Variants in POLI observed in about 807,000 individuals in gnomAD.
POLI encodes the protein RAD30 homolog B.
POLI carries 58 observed loss-of-function variants against 51.6 expected under a neutral mutation model. The ratio of observed to expected loss-of-function variants is 1.12; its 90% CI spans 0.91 to 1.40. The LOEUF (loss-of-function observed/expected upper bound fraction) is 1.40, where lower values mean the gene tolerates loss of function less well. POLI is among the 40% of genes most tolerant of loss of function. The probability of loss-of-function intolerance (pLI) is 0.00; values close to 1 mark genes in which losing one functional copy is unlikely to be tolerated. For missense variants in POLI, 921 were observed against 871.3 expected (o/e 1.06, Z -0.72); for synonymous variants, 322 against 299.7 (o/e 1.07, Z -0.77).
chr18:54,301,171 C>T (rs528662939), downstream of POLI, among the ~76,000 whole-genome samples: 4 of 152,136 alleles, frequency 2.6e-5, no homozygotes, highest in Non-Finnish European at 4.4e-5. Context: ...CTTAGCTACT[C>T]GGGAGGCTGA....
At chr18:54,298,586 A>ATTTTTT (rs1320558799), downstream of POLI, among the ~76,000 whole-genome samples, 1 of 120,802 alleles carries the variant, frequency 8.3e-6, no homozygotes, top group African/African-American at 3.2e-5. Flanking sequence ...ATACTACAGA[A>ATTTTTT]TCTTTTTTTT....
chr18:54,294,362 T>A lies in POLI; in HGVS notation c.2118T>A (p.Ser706=), dbSNP rs1409367704. The A allele has an allele frequency of 4.3e-6, 7 of 1,613,512 alleles. No individual in the cohort carries two copies. The African/African-American group carries it at 9.3e-5, about 22-fold the overall frequency. Residue 706 remains serine (S), a synonymous_variant, in exon 10 of 10, where the codon TCT becomes TCA. Coordinates refer to ENST00000579534, the MANE Select transcript of POLI (RefSeq NM_007195.3). ...DSVDEKITFP[S]DIDPQVFYEL... ...TTGATGAGAAAATTACTTTCCCTTC[T>A]GACATTGATCCTCAAGTTTTCTATG...
intron 5 of POLI, 135 bp from the exon 6 acceptor site, chr18:54,282,702 C>A (rs891581495): frequency 1.4e-5 from 8 of 569,272 alleles, no homozygotes; most frequent in African/African-American, 1.3e-4. Flanking sequence ...TAGAATGTAT[C>A]CCCTGTGGAT....
Position 54,297,728 on chromosome 18 carries a change from A to C in POLI, c.*3261A>C. ...TTATCCTTAAACATCTAAAAATGCT[A>C]CCCTCTTTCCAAACAACACAAAGGT... On this transcript the variant is annotated 3_prime_UTR_variant, in exon 10 of 10. Coordinates refer to ENST00000579534, the MANE Select transcript of POLI (RefSeq NM_007195.3). 1 of 970,920 alleles carries C rather than the reference A, an allele frequency of 1.0e-6. No individual in the cohort carries two copies. The highest frequency in any genetic ancestry group is 4.8e-5 in the South Asian group (1 of 21,016). The allele number at this position is 970,920 out of a possible 1,614,324, so 60.1% of individuals were successfully genotyped here. A position where few individuals can be genotyped will look rare whatever the true frequency, so the allele number is the denominator to read the frequency against.
intron 3 of POLI, among the ~76,000 whole-genome samples, chr18:54,315,536 G>A (rs1031351458): frequency 6.6e-6 from 1 of 152,122 alleles, no homozygotes; most frequent in Non-Finnish European, 1.5e-5. Context: ...CTACCTTAAT[G>A]TACTGTCTAA....
At position 54,269,562 on chromosome 18, in the gene POLI, G is replaced by A. The variant is rs767338968; in HGVS notation, c.16G>A (p.Val6Met). 6 of 1,498,074 alleles carry A rather than the reference G, an allele frequency of 4.0e-6. No individual in the cohort carries two copies. Among genetic ancestry groups the A allele is most frequent in the Admixed American group, 2.4e-5 (1 of 41,456 alleles). The allele number at this position is 1,498,074 out of a possible 1,614,324, so 92.8% of individuals were successfully genotyped here. Residue 6 changes from valine (V) to methionine (M), a missense_variant, in exon 1 of 10, where the codon GTG becomes ATG. Val to Met is a conservative substitution (Grantham distance 21). Transcript: ENST00000579534. MEKLG[V>M]EPEEEGGGDD... ...CAGCGGCGGGATGGAGAAGCTGGGG[G>A]TGGAGCCGGAGGAGGAAGGCGGCGG...
chr18:54,315,219 C>T (rs541805959), intron 3 of POLI, among the ~76,000 whole-genome samples: 1 of 152,046 alleles, frequency 6.6e-6, no homozygotes, highest in Non-Finnish European at 1.5e-5. Flanking sequence ...CATTGTTTAC[C>T]TGAAAGCCAT....
intron 2 of POLI, among the ~76,000 whole-genome samples, chr18:54,272,652 T>G (rs1264092080): frequency 6.6e-6 from 1 of 151,066 alleles, no homozygotes; most frequent in Admixed American, 6.7e-5. Context: ...TTTTGTATTT[T>G]TAGTAGAGAC....
chr18:54,314,817 T>G (rs1007637866), intron 3 of POLI, among the ~76,000 whole-genome samples: 3 of 152,160 alleles, frequency 2.0e-5, no homozygotes, highest in Non-Finnish European at 2.9e-5. Flanking sequence ...AATGTCATCT[T>G]TGTTTATTTC....
At chr18:54,305,042 T>C (rs1308990210) in intron 3 of POLI, among the ~76,000 whole-genome samples, 2 of 152,240 alleles carry the variant, frequency 1.3e-5, no homozygotes, top group East Asian at 3.8e-4. Context: ...TTCTTGTTTT[T>C]GTCAGATTTG....
At chr18:54,288,205 C>T (rs1156846728) in intron 8 of POLI, among the ~76,000 whole-genome samples, 1 of 152,108 alleles carries the variant, frequency 6.6e-6, no homozygotes, top group African/African-American at 2.4e-5. Context: ...TATTATCAGT[C>T]TCTTTGATTA....
At position 54,294,008 on chromosome 18, in the gene POLI, A is replaced by T; in HGVS notation, c.1764A>T (p.Leu588Phe). The change falls in exon 10 of 10, where the codon TTA (leucine) becomes TTT (phenylalanine). Residue 588 changes from leucine to phenylalanine, a missense_variant. Physicochemically the swap from Leu to Phe is conservative, Grantham distance 22 (BLOSUM62 0). Coordinates refer to ENST00000579534, the MANE Select transcript of POLI (RefSeq NM_007195.3). The stretch of plus-strand genomic sequence containing the variant: ...TTCCCATAAATCCTAGAGATCATTT[A>T]TCCAGTAGCAAACAGGTATCCTCTG... ...QDIPINPRDH[L>F]SSSKQVSSVS... The T allele has an allele frequency of 6.2e-7, 1 of 1,613,636 alleles. No homozygotes were observed. The highest frequency in any genetic ancestry group is 8.5e-7 in the Non-Finnish European group (1 of 1,179,666).
chr18:54,299,294 G>C (rs1305777464), downstream of POLI, among the ~76,000 whole-genome samples: 1 of 152,182 alleles, frequency 6.6e-6, no homozygotes, highest in African/African-American at 2.4e-5. Flanking sequence ...AGTTGACTGG[G>C]CGTGGTGGTG....
At position 54,269,803 on chromosome 18, in the gene POLI, G is replaced by A. The variant is rs532166782; in HGVS notation, c.115+142G>A. ...CTCTAAGAGAGGGCTGCCTCCCTCT[G>A]CCTTGTGTTACGCGGCGGGTACCTC... On this transcript the variant is annotated intron_variant, in intron 1 of 9. Coordinates refer to ENST00000579534, the MANE Select transcript of POLI (RefSeq NM_007195.3). The A allele has an allele frequency of 2.7e-4, 371 of 1,370,366 alleles. 1 individual carries two copies. In the African/African-American group the frequency reaches 4.6e-3, roughly 17 times the overall value. 84.9% of individuals were successfully genotyped at this position (1,370,366 alleles called of 1,614,324 possible). A position where few individuals can be genotyped will look rare whatever the true frequency, so the allele number is the denominator to read the frequency against.
chr18:54,271,328 A>C lies in POLI; in HGVS notation c.116-32A>C, dbSNP rs3218777. 0.025 allele frequency: 38,840 copies of C among 1,583,868 alleles called. 6,816 individuals are homozygous for C. In the African/African-American group the frequency reaches 0.42, roughly 17 times the overall value. On this transcript the variant is annotated intron_variant, in intron 1 of 9. Coordinates refer to ENST00000579534, the MANE Select transcript of POLI (RefSeq NM_007195.3). ...TTGCTCAGAGATAATAAGCAGCCTG[A>C]ATTTCTTTTTATTTCTTTGCATATT...
At chr18:54,276,557 C>A (rs757113491) in intron 3 of POLI, among the ~76,000 whole-genome samples, 7 of 152,160 alleles carry the variant, frequency 4.6e-5, no homozygotes, top group Non-Finnish European at 8.8e-5. Context: ...TTGTTTTCTA[C>A]ATGTTACTTT....
intron 3 of POLI, among the ~76,000 whole-genome samples, chr18:54,310,380 A>T (rs987393749): frequency 6.6e-6 from 1 of 152,160 alleles, no homozygotes; most frequent in Admixed American, 6.5e-5. Flanking sequence ...ACTTAGATTT[A>T]ATCATTTTTT....
chr18:54,305,498 GGTATTT>G (rs2088567262), intron 3 of POLI, among the ~76,000 whole-genome samples: 1 of 144,784 alleles, frequency 6.9e-6, no homozygotes, highest in Admixed American at 6.9e-5. Context: ...TGGATTCCTA[GGTATTT>G]TATTCTCTTT....
rs200234897 is a variant in POLI, at chr18:54,280,790, A to T, written c.683A>T (p.Lys228Ile). ...LTGCAGVASNKLLAKLVSGVF... is the reference protein window; with the variant it reads ...LTGCAGVASNILLAKLVSGVF... The stretch of plus-strand genomic sequence containing the variant: ...GGCTGTGCTGGAGTGGCTTCTAATA[A>T]ACTGTTGGCAAAATTAGTTTCTGGT... The change falls in exon 5 of 10, where the codon AAA (lysine) becomes ATA (isoleucine). Residue 228 changes from lysine (K) to isoleucine (I), a missense_variant. Coordinates refer to ENST00000579534, the MANE Select transcript of POLI (RefSeq NM_007195.3). 1 of 1,613,804 alleles carries T rather than the reference A, an allele frequency of 6.2e-7. No homozygotes were observed. The highest frequency in any genetic ancestry group is 1.7e-5 in the Admixed American group (1 of 59,998).
Sources: gnomAD v4.1 joint callset for allele counts (sites outside exome capture counted in the v4.1 genomes callset) on GRCh38, gnomAD v4.1.1 for gene constraint, MANE v1.5 for transcripts, NCBI Gene and HGNC (gene_info 2026-07-23, HGNC 2026-07-21) for gene names.